The following DOCK3 variants were observed in gnomAD, a reference collection of about 807,000 sequenced individuals.
The protein encoded by DOCK3 is dedicator of cytokinesis 3.
Under a neutral mutation model 265.6 loss-of-function variants are expected in DOCK3, and 60 were observed. That is an observed-to-expected ratio of 0.23 (90% CI 0.18 to 0.28). The LOEUF (loss-of-function observed/expected upper bound fraction) is 0.28. DOCK3 is among the 10% of genes least tolerant of loss of function. DOCK3 has a pLI of 1.00. For synonymous variants in DOCK3, 881 were observed against 938.0 expected (o/e 0.94, Z 1.11); for missense variants, 1,981 against 2,594.3 (o/e 0.76, Z 5.14).
intron 1 of DOCK3, among the ~76,000 whole-genome samples, chr3:50,719,268 C>CTTTTTTTTTT (rs71084106): frequency 2.2e-5 from 3 of 138,690 alleles, no homozygotes; most frequent in African/African-American, 5.4e-5. Context: ...TAGATATTTT[C>CTTTTTTTTTT]TTTTTTTTTT....
At chr3:51,078,735 C>A (rs1560030426) in intron 7 of DOCK3, among the ~76,000 whole-genome samples, 2 of 152,152 alleles carry the variant, frequency 1.3e-5, no homozygotes, top group Admixed American at 1.3e-4. Context: ...TTTGGTCACT[C>A]AGAGTCTCAA....
chr3:51,191,146 A>G (rs1353300449), intron 12 of DOCK3, among the ~76,000 whole-genome samples: 1 of 151,994 alleles, frequency 6.6e-6, no homozygotes, highest in African/African-American at 2.4e-5. Flanking sequence ...TTCCCTGTGG[A>G]GACAGCAATC....
chr3:50,816,321 CTCTTT>C (rs1308428792), intron 2 of DOCK3, among the ~76,000 whole-genome samples: 1 of 116,916 alleles, frequency 8.6e-6, no homozygotes, highest in Non-Finnish European at 1.8e-5. Flanking sequence ...GTTCTTGTAA[CTCTTT>C]TTTTTTTTTT....
intron 7 of DOCK3, among the ~76,000 whole-genome samples, chr3:51,082,516 G>A (rs377415378): frequency 1.3e-5 from 2 of 152,280 alleles, no homozygotes; most frequent in South Asian, 4.1e-4. Context: ...GAACCTGAGA[G>A]CTGCATGTCT....
chr3:51,173,964 A>T (rs1354103554), intron 12 of DOCK3, among the ~76,000 whole-genome samples: 1 of 151,984 alleles, frequency 6.6e-6, no homozygotes, highest in Admixed American at 6.6e-5. Flanking sequence ...CGTAAGTCTC[A>T]TATGCTTTAT....
At chr3:51,102,371 A>G (rs533534715) in intron 9 of DOCK3, among the ~76,000 whole-genome samples, 29 of 152,382 alleles carry the variant, frequency 1.9e-4, no homozygotes, top group African/African-American at 6.0e-4. Context: ...AACACAAGGT[A>G]CTGGATTCTG....
At position 50,923,503 on chromosome 3, in the gene DOCK3, A is replaced by C. The variant is rs1478295696; in HGVS notation, c.219-10478A>C. Among the ~76,000 whole-genome samples, 4 of 152,270 alleles carry C rather than the reference A, an allele frequency of 2.6e-5. No individual in the cohort carries two copies. The South Asian group carries it at 6.2e-4, about 24-fold the overall frequency. On this transcript the variant is annotated intron_variant, in intron 4 of 52. Transcript: ENST00000266037. ...CTCACGAATATTCTCCTTTAGTTTTATAATGTTTCTCTTTTGCTCTTCTCT... is the reference window on the plus strand; with the variant it reads ...CTCACGAATATTCTCCTTTAGTTTTCTAATGTTTCTCTTTTGCTCTTCTCT...
intron 1 of DOCK3, among the ~76,000 whole-genome samples, chr3:50,695,759 T>C (rs191984803): frequency 1.6e-4 from 24 of 152,306 alleles, no homozygotes; most frequent in Admixed American, 1.3e-4. Flanking sequence ...TGGGGGTCGC[T>C]AGAAGCTCTA....
intron 7 of DOCK3, 98 bp from the exon 8 acceptor site, chr3:51,089,145 T>C (rs2082538683): frequency 2.5e-6 from 3 of 1,198,238 alleles, no homozygotes; most frequent in South Asian, 2.8e-5. Flanking sequence ...AGATCATGAA[T>C]ATAAAAGGCA....
intron 14 of DOCK3, among the ~76,000 whole-genome samples, chr3:51,215,827 C>G (rs2089754086): frequency 6.6e-6 from 1 of 152,108 alleles, no homozygotes; most frequent in African/African-American, 2.4e-5. Context: ...ATGTTTTTCT[C>G]TAAATGCTAG....
intron 27 of DOCK3, among the ~76,000 whole-genome samples, chr3:51,285,317 CAAAAG>C (rs2081347598): frequency 2.0e-5 from 3 of 151,946 alleles, no homozygotes; most frequent in South Asian, 4.2e-4. Context: ...ATATTTCAAA[CAAAAG>C]AATAAGATAA....
intron 4 of DOCK3, among the ~76,000 whole-genome samples, chr3:50,897,426 A>G (rs938459232): frequency 5.3e-5 from 8 of 152,208 alleles, no homozygotes; most frequent in African/African-American, 1.9e-4. Flanking sequence ...GTCATCTGCA[A>G]ACAGAGACAA....
chr3:51,013,830 A>G (rs1044213689), intron 5 of DOCK3, among the ~76,000 whole-genome samples: 13 of 152,308 alleles, frequency 8.5e-5, no homozygotes, highest in African/African-American at 3.1e-4. Flanking sequence ...GACTCCACCC[A>G]GTTTGAGCTT....
intron 12 of DOCK3, among the ~76,000 whole-genome samples, chr3:51,207,099 GCCC>G (rs917562124): frequency 2.6e-5 from 4 of 152,192 alleles, no homozygotes; most frequent in Admixed American, 2.0e-4. Flanking sequence ...GGGTGAGATT[GCCC>G]AGGAAGGCTT....
chr3:50,973,327 C>T (rs1427920356), intron 5 of DOCK3, among the ~76,000 whole-genome samples: 1 of 143,056 alleles, frequency 7.0e-6, no homozygotes, highest in Non-Finnish European at 1.5e-5. Flanking sequence ...TGTGATGTTC[C>T]CCTTCCTGTG....
In DOCK3 at chr3:51,310,269, T is replaced by C; in HGVS notation, c.2960T>C (p.Leu987Pro). 1 of 1,606,204 alleles carries C rather than the reference T, an allele frequency of 6.2e-7. No individual in the cohort carries two copies. The highest frequency in any genetic ancestry group is 8.5e-7 in the Non-Finnish European group (1 of 1,176,348). The change falls in exon 28 of 53, where the codon CTG (leucine) becomes CCG (proline). Residue 987 changes from leucine to proline, a missense_variant. Around this residue, in one of 4 missense-constraint regions of DOCK3, gnomAD observed 1,357 missense variants for 1,866.8 expected, o/e 0.73. Transcript: ENST00000266037. ...LLKIFCVFRN[L>P]MKMSVFPRDW... is the part of the protein sequence containing the mutation. ...AAGATTTTTTGCGTGTTCCGGAACCTGATGAAGATGAGTGTCTTCCCTCGG... is the reference window on the plus strand; with the variant it reads ...AAGATTTTTTGCGTGTTCCGGAACCCGATGAAGATGAGTGTCTTCCCTCGG...
chr3:51,127,096 A>C (rs2084297919), intron 9 of DOCK3, among the ~76,000 whole-genome samples: 1 of 152,172 alleles, frequency 6.6e-6, no homozygotes, highest in African/African-American at 2.4e-5. Flanking sequence ...TGAGGGCAGG[A>C]GGCATCCAGC....
chr3:50,878,749 C>G (rs1048700315), intron 3 of DOCK3, among the ~76,000 whole-genome samples: 1 of 152,010 alleles, frequency 6.6e-6, no homozygotes, highest in Admixed American at 6.6e-5. Context: ...CAAGGCAGGC[C>G]AACATTCAAA....
intron 5 of DOCK3, among the ~76,000 whole-genome samples, chr3:50,996,878 G>A (rs1354816928): frequency 6.6e-6 from 1 of 152,144 alleles, no homozygotes; most frequent in African/African-American, 2.4e-5. Context: ...GTCTCTGACA[G>A]CACCTCTTTT....
Sources: allele counts gnomAD v4.1 joint callset (sites outside exome capture counted in the v4.1 genomes callset), GRCh38; gene constraint gnomAD v4.1.1; regional missense constraint gnomAD v4.1.1; transcripts MANE v1.5; gene names NCBI Gene and HGNC (gene_info 2026-07-23, HGNC 2026-07-21).